Variants in DIDO1 observed in about 807,000 individuals in gnomAD.
DIDO1 encodes the protein death-inducer obliterator 1.
DIDO1 carries 16 observed loss-of-function variants against 99.4 expected under a neutral mutation model. The observed-to-expected ratio is 0.16, with a 90% CI of 0.11 to 0.24. The LOEUF (loss-of-function observed/expected upper bound fraction) is 0.24, where lower values mean the gene tolerates loss of function less well. Ranked by LOEUF, DIDO1 falls within the 10% of genes least tolerant of loss-of-function variation. The probability of loss-of-function intolerance (pLI) is 1.00; values close to 1 mark genes in which losing one functional copy is unlikely to be tolerated. For missense variants in DIDO1, 2,996 were observed against 3,014.0 expected, an observed-to-expected ratio of 0.99 and a Z score of 0.14; for synonymous variants, 1,366 against 1,239.1, an observed-to-expected ratio of 1.10 and a Z score of -2.15.
rs1253676868 is a variant in DIDO1, at chr20:62,881,788, C to T, written c.4168G>A (p.Glu1390Lys). ...EDDRPYDPEE[E>K]YDPERAFDTQ... ...TCGAAGGCCCTCTCCGGGTCGTACT[C>T]CTCCTCAGGGTCGTATGGCCTGTCG... The change falls in exon 16 of 16, where the codon GAG (glutamate) becomes AAG (lysine). Residue 1390 changes from glutamate (E) to lysine (K), a missense_variant. Physicochemically the swap from Glu to Lys is moderately conservative, Grantham distance 56 (BLOSUM62 1). Transcript: ENST00000395343. This position sits in a 1 kb window ranked among gnomAD's most constrained non-coding sequence, Gnocchi z 8.3. The T allele has an allele frequency of 6.2e-7, 1 of 1,613,328 alleles. No homozygotes were observed. The highest frequency in any genetic ancestry group is 8.5e-7 in the Non-Finnish European group (1 of 1,180,020).
chr20:62,908,674 G>A (rs139429610), intron 4 of DIDO1, among the ~76,000 whole-genome samples: 1 of 152,132 alleles, frequency 6.6e-6, no homozygotes, highest in Non-Finnish European at 1.5e-5. Flanking sequence ...TTAGGTTTGT[G>A]CAGGGTATTG....
At chr20:62,929,693 G>GATATATATATATATA (rs1555853760), upstream of DIDO1, among the ~76,000 whole-genome samples, 1 of 97,968 alleles carries the variant, frequency 1.0e-5, no homozygotes, top group African/African-American at 5.3e-5. Context: ...AAAAGAAAAA[G>GATATATATATATATA]TGTATATATA....
At chr20:62,930,271 G>GT (rs2065319928), upstream of DIDO1, among the ~76,000 whole-genome samples, 1 of 151,602 alleles carries the variant, frequency 6.6e-6, no homozygotes, top group Non-Finnish European at 1.5e-5. Context: ...TGCTACGTTT[G>GT]TGCATCACTG....
At chr20:62,929,565 C>T (rs1298011786), upstream of DIDO1, among the ~76,000 whole-genome samples, 1 of 151,744 alleles carries the variant, frequency 6.6e-6, no homozygotes, top group Non-Finnish European at 1.5e-5. Flanking sequence ...ACGCTGTGCT[C>T]CAGGGCCTCA....
At chr20:62,903,235 G>C (rs1465438085) in intron 6 of DIDO1, among the ~76,000 whole-genome samples, 1 of 152,236 alleles carries the variant, frequency 6.6e-6, no homozygotes, top group African/African-American at 2.4e-5. Context: ...AGGGGGCACA[G>C]CCTCCTTCTA....
intron 14 of DIDO1, among the ~76,000 whole-genome samples, chr20:62,891,653 G>C (rs560945356): frequency 6.6e-6 from 1 of 151,950 alleles, no homozygotes. Context: ...AAAATAAAAC[G>C]TATCTATTTC....
upstream of DIDO1, among the ~76,000 whole-genome samples, chr20:62,929,692 A>AAAAAAAAAAAAATATATAT: frequency 1.4e-4 from 9 of 63,710 alleles, 1 homozygote; most frequent in African/African-American, 6.9e-4. Flanking sequence ...AAAAAGAAAA[A>AAAAAAAAAAAAATATATAT]GTGTATATAT....
At position 62,881,964 on chromosome 20, in the gene DIDO1, G is replaced by A; in HGVS notation, c.3992C>T (p.Ser1331Phe). 1.2e-6 allele frequency: 2 copies of A among 1,613,390 alleles called. No homozygotes were observed. The highest frequency in any genetic ancestry group is 8.5e-7 in the Non-Finnish European group (1 of 1,180,026). The change falls in exon 16 of 16, where the codon TCC becomes TTC. Residue 1331 changes from serine (S) to phenylalanine (F), a missense_variant. Ser to Phe is a radical substitution (Grantham distance 155). Around this residue, in one of 5 missense-constraint regions of DIDO1, gnomAD observed 1,562 missense variants for 1,412.6 expected, o/e 1.11. Coordinates refer to ENST00000395343, the MANE Select transcript of DIDO1 (RefSeq NM_001193369.2). The surrounding 1 kb of genome is among the most constrained non-coding windows in gnomAD (Gnocchi z 8.3). Reference protein sequence around the residue: ...LFGKKKSFDPSAREPPGSTAG... With the variant: ...LFGKKKSFDPFAREPPGSTAG... ...GGTGGACCCGGGAGGCTCTCTGGCG[G>A]ACGGGTCGAATGATTTCTTCTTTCC...
chr20:62,928,994 T>A (rs187231103), upstream of DIDO1: 6 of 152,222 alleles, frequency 3.9e-5, no homozygotes, highest in Admixed American at 3.9e-4. Context: ...TCCGCTGTTA[T>A]AAGCCTCCTT....
At chr20:62,886,985 C>T (rs547859783) in intron 15 of DIDO1, among the ~76,000 whole-genome samples, 3 of 152,350 alleles carry the variant, frequency 2.0e-5, no homozygotes, top group South Asian at 2.1e-4. Flanking sequence ...GGGTCCAGCA[C>T]GTCTCAGGTA....
chr20:62,918,688 G>A (rs968590684), intron 1 of DIDO1, among the ~76,000 whole-genome samples: 3 of 152,030 alleles, frequency 2.0e-5, no homozygotes, highest in South Asian at 2.1e-4. Context: ...ATTTTAACCC[G>A]CCAGTCAGAA....
Position 62,896,478 on chromosome 20 carries a change from C to G in DIDO1, c.2054+53G>C. 1 of 1,583,380 alleles carries G rather than the reference C, an allele frequency of 6.3e-7. No homozygotes were observed. Among genetic ancestry groups the G allele is most frequent in the East Asian group, 2.2e-5 (1 of 44,664 alleles). On this transcript the variant is annotated intron_variant, in intron 7 of 15. Transcript: ENST00000395343. The surrounding 1 kb of genome is among the most constrained non-coding windows in gnomAD (Gnocchi z 4.4). ...AGTGAGGCAATCCTGCAGCCACACT[C>G]TAATGAAAGCCCTTCCATTTTAATG...
chr20:62,919,406 G>A (rs1213259133), intron 1 of DIDO1, among the ~76,000 whole-genome samples: 4 of 152,080 alleles, frequency 2.6e-5, no homozygotes, highest in African/African-American at 9.7e-5. Context: ...AGGGCTTGGT[G>A]GCAGGTGCCT....
intron 1 of DIDO1, among the ~76,000 whole-genome samples, chr20:62,922,133 CAT>C (rs1372898520): frequency 1.4e-5 from 2 of 145,658 alleles, no homozygotes; most frequent in Non-Finnish European, 3.0e-5. Context: ...CACATATATA[CAT>C]ATATACACAC....
upstream of DIDO1, among the ~76,000 whole-genome samples, chr20:62,929,692 A>AAAAAAAAAT: frequency 1.6e-5 from 1 of 63,710 alleles, no homozygotes; most frequent in African/African-American, 7.6e-5. Flanking sequence ...AAAAAGAAAA[A>AAAAAAAAAT]GTGTATATAT....
At chr20:62,890,927 G>T in intron 15 of DIDO1, 33 bp downstream of exon 15, 1 of 1,612,568 alleles carries the variant, frequency 6.2e-7, no homozygotes, top group South Asian at 1.1e-5. Context: ...GGTGCAGGTG[G>T]GCCTCACCTC....
intron 13 of DIDO1, among the ~76,000 whole-genome samples, chr20:62,892,495 C>T (rs1278637539): frequency 5.3e-5 from 8 of 152,192 alleles, no homozygotes; most frequent in African/African-American, 1.4e-4. Context: ...AAGCAGGCTC[C>T]GAACACCTGG....
chr20:62,888,677 C>T, intron 15 of DIDO1: 1 of 985,568 alleles, frequency 1.0e-6, no homozygotes, highest in Non-Finnish European at 1.2e-6. Flanking sequence ...CGCGCACATG[C>T]ACACGCACTA....
chr20:62,895,042 C>A lies in DIDO1; in HGVS notation c.2331+7G>T. Reference sequence around the variant, plus strand: ...GGGTGCCTCCGCAGGTACCCCTCAGCACTCACAGATCTCGCTGGCCTCTCT... The same window carrying A: ...GGGTGCCTCCGCAGGTACCCCTCAGAACTCACAGATCTCGCTGGCCTCTCT... On this transcript the variant is annotated splice_region_variant and intron_variant, in intron 9 of 15. Transcript: ENST00000395343. 6.2e-7 allele frequency: 1 copy of A among 1,604,290 alleles called. No homozygotes were observed. Among genetic ancestry groups the A allele is most frequent in the South Asian group, 1.1e-5 (1 of 90,958 alleles).
Sources: gnomAD v4.1 joint callset for allele counts (sites outside exome capture counted in the v4.1 genomes callset) on GRCh38, gnomAD v4.1.1 for gene constraint, gnomAD v4.1.1 regional missense constraint, Gnocchi (gnomAD v3.1) non-coding constraint, MANE v1.5 for transcripts, NCBI Gene and HGNC (gene_info 2026-07-23, HGNC 2026-07-21) for gene names.